The following PPP1R12B variants were observed in gnomAD, a reference collection of about 807,000 sequenced individuals.
PPP1R12B encodes myosin phosphatase target subunit 2.
A neutral mutation model predicts 126.1 loss-of-function variants in PPP1R12B; 76 were observed. The observed-to-expected ratio is 0.60, with a 90% CI of 0.50 to 0.73. The LOEUF is 0.73. Ranked by LOEUF, PPP1R12B falls within the 30% of genes least tolerant of loss-of-function variation. The pLI, the probability that PPP1R12B is intolerant of heterozygous loss-of-function variation, is 0.00. For missense variants in PPP1R12B, 1,052 were observed against 1,205.1 expected (o/e 0.87, Z 1.88); for synonymous variants, 356 against 434.7 (o/e 0.82, Z 2.25).
intron 1 of PPP1R12B, 131 bp downstream of exon 1, chr1:202,349,273 T>C: frequency 1.8e-6 from 2 of 1,105,024 alleles, no homozygotes; most frequent in Non-Finnish European, 2.6e-6. Flanking sequence ...TTTGGGCTAA[T>C]CGGTTTCATT....
At chr1:202,399,244 G>A (rs1251559369) in intron 1 of PPP1R12B, among the ~76,000 whole-genome samples, 1 of 151,888 alleles carries the variant, frequency 6.6e-6, no homozygotes, top group East Asian at 1.9e-4. Context: ...TCTTTTGACA[G>A]GGTCTCGCTC....
At chr1:202,417,415 A>G (rs1178418811) in intron 2 of PPP1R12B, 3 of 984,928 alleles carry the variant, frequency 3.0e-6, no homozygotes, top group Non-Finnish European at 3.6e-6. Flanking sequence ...GGGCACTGGC[A>G]TGTGTTCTCC....
At chr1:202,539,142 G>C (rs1373898026) in intron 18 of PPP1R12B, among the ~76,000 whole-genome samples, 2 of 152,210 alleles carry the variant, frequency 1.3e-5, no homozygotes, top group East Asian at 3.9e-4. Context: ...TGTTACTTAA[G>C]AGATCTAGAA....
chr1:202,361,264 G>A (rs1571576907), intron 1 of PPP1R12B, among the ~76,000 whole-genome samples: 1 of 152,184 alleles, frequency 6.6e-6, no homozygotes, highest in East Asian at 1.9e-4. Context: ...GTGAGACTAG[G>A]TAATTTATAA....
At chr1:202,380,855 A>G (rs1662132277) in intron 1 of PPP1R12B, among the ~76,000 whole-genome samples, 1 of 152,258 alleles carries the variant, frequency 6.6e-6, no homozygotes, top group Admixed American at 6.5e-5. Flanking sequence ...TCAAGTATCT[A>G]TAGTGTAGTC....
intron 13 of PPP1R12B, among the ~76,000 whole-genome samples, chr1:202,479,133 G>A (rs528078329): frequency 1.8e-4 from 27 of 152,198 alleles, no homozygotes; most frequent in Non-Finnish European, 2.4e-4. Context: ...ACTCAGAGGC[G>A]AGGAATATAT....
chr1:202,427,284 G>A, intron 5 of PPP1R12B, 100 bp downstream of exon 5: 1 of 1,503,970 alleles, frequency 6.6e-7, no homozygotes, highest in Non-Finnish European at 9.1e-7. Flanking sequence ...TGACTGTTGT[G>A]AAATATACAT....
At chr1:202,498,059 GA>G (rs1381900158) in intron 18 of PPP1R12B, among the ~76,000 whole-genome samples, 1 of 151,466 alleles carries the variant, frequency 6.6e-6, no homozygotes, top group Admixed American at 6.6e-5. Flanking sequence ...GTTGTCATAA[GA>G]ATGTCTTTTG....
At chr1:202,505,101 G>C (rs1314532086) in intron 18 of PPP1R12B, among the ~76,000 whole-genome samples, 1 of 152,158 alleles carries the variant, frequency 6.6e-6, no homozygotes, top group Non-Finnish European at 1.5e-5. Flanking sequence ...CATGTGTTCT[G>C]ACACATAACT....
chr1:202,373,552 C>G (rs1388654490), intron 1 of PPP1R12B, among the ~76,000 whole-genome samples: 1 of 152,040 alleles, frequency 6.6e-6, no homozygotes, highest in Non-Finnish European at 1.5e-5. Flanking sequence ...TCCAGTTGTC[C>G]CAGCACCATT....
chr1:202,540,181 T>C lies in PPP1R12B; in HGVS notation c.2491-18696T>C, dbSNP rs185805429. 25 of 1,611,062 alleles carry C rather than the reference T, an allele frequency of 1.6e-5. No individual in the cohort carries two copies. The African/African-American group carries it at 3.1e-4, about 20-fold the overall frequency. Reference sequence around the variant, plus strand: ...CCCGAAGTAAAGAATTCACTCGGAATAGGAAATCTCAGTCTGATTCTCCCC... The same window carrying C: ...CCCGAAGTAAAGAATTCACTCGGAACAGGAAATCTCAGTCTGATTCTCCCC... On this transcript the variant is annotated intron_variant, in intron 18 of 23. Transcript: ENST00000608999.
At chr1:202,525,248 G>A (rs1336306742) in intron 18 of PPP1R12B, among the ~76,000 whole-genome samples, 3 of 152,164 alleles carry the variant, frequency 2.0e-5, no homozygotes, top group African/African-American at 7.2e-5. Context: ...TGGCAGTTTG[G>A]TTATACAGAT....
rs572227702 is a variant in PPP1R12B at position 202,522,914 on chromosome 1, C to T, written c.2490+26092C>T. On this transcript the variant is annotated intron_variant, in intron 18 of 23. Coordinates refer to ENST00000608999, the MANE Select transcript of PPP1R12B (RefSeq NM_002481.4). ...ACTCTCAAAATATATAAAACAAAAC[C>T]GACAGAATTATCAAGAAATAGCATA... is the stretch of plus-strand genomic sequence containing the variant. Among the ~76,000 whole-genome samples the T allele has an allele frequency of 1.6e-4, 24 of 152,116 alleles. No individual in the cohort carries two copies. In the South Asian group the frequency reaches 4.4e-3, roughly 28 times the overall value.
intron 18 of PPP1R12B, among the ~76,000 whole-genome samples, chr1:202,510,709 G>T (rs1681366497): frequency 6.6e-6 from 1 of 151,832 alleles, no homozygotes; most frequent in South Asian, 2.1e-4. Context: ...TATATTTATT[G>T]ATGAGCCATT....
intron 9 of PPP1R12B, among the ~76,000 whole-genome samples, chr1:202,436,667 A>G (rs377257767): frequency 6.6e-6 from 1 of 152,098 alleles, no homozygotes; most frequent in Non-Finnish European, 1.5e-5. Flanking sequence ...TTATGGCAAA[A>G]TGAGATAATT....
At chr1:202,497,627 T>G (rs1430684287) in intron 18 of PPP1R12B, among the ~76,000 whole-genome samples, 2 of 152,214 alleles carry the variant, frequency 1.3e-5, no homozygotes, top group African/African-American at 4.8e-5. Flanking sequence ...TCTGCCTATA[T>G]TTTTGTCTAG....
chr1:202,439,601 C>A, intron 10 of PPP1R12B: 2 of 1,073,844 alleles, frequency 1.9e-6, no homozygotes, highest in Non-Finnish European at 1.4e-6. Flanking sequence ...CTCTGTACAC[C>A]ATGGACCCTG....
Position 202,587,680 on chromosome 1 carries a change from A to AGTC in PPP1R12B, c.*7122_*7124dup, listed in dbSNP as rs1409638447. ...ATGTTCTCCCAAAACCAGAGTTGAGAGTCGGAGTGCCAGTCGTCGGGGCCC... is the reference window on the plus strand; with the variant it reads ...ATGTTCTCCCAAAACCAGAGTTGAGAGTCGTCGGAGTGCCAGTCGTCGGGGCCC... On this transcript the variant is annotated 3_prime_UTR_variant, in exon 24 of 24. Transcript: ENST00000608999. 2 of 152,176 alleles carry AGTC rather than the reference A, an allele frequency of 1.3e-5. No individual in the cohort carries two copies. Among genetic ancestry groups the AGTC allele is most frequent in the South Asian group, 2.1e-4 (1 of 4,822 alleles). The allele number at this position is 152,176 out of a possible 1,614,324, so 9.4% of individuals were successfully genotyped here.
At chr1:202,401,194 C>A (rs1201312651) in intron 1 of PPP1R12B, among the ~76,000 whole-genome samples, 6 of 150,940 alleles carry the variant, frequency 4.0e-5, no homozygotes, top group Non-Finnish European at 3.0e-5. Flanking sequence ...TCTCTTTTTT[C>A]TCTTTTTTTT....
Sources: allele counts gnomAD v4.1 joint callset (sites outside exome capture counted in the v4.1 genomes callset), GRCh38; gene constraint gnomAD v4.1.1; transcripts MANE v1.5; gene names NCBI Gene and HGNC (gene_info 2026-07-23, HGNC 2026-07-21).